The following PCDHGB6 variants were observed in gnomAD, a reference collection of about 807,000 sequenced individuals.
PCDHGB6 encodes the protein protocadherin gamma-B6.
Under a neutral mutation model 59.1 loss-of-function variants are expected in PCDHGB6, and 51 were observed. The ratio of observed to expected loss-of-function variants is 0.86; its 90% CI spans 0.69 to 1.09. The LOEUF (loss-of-function observed/expected upper bound fraction) is 1.09. PCDHGB6 is among the 50% of genes least tolerant of loss of function. The pLI is 0.00. For synonymous variants in PCDHGB6, 466 were observed against 495.1 expected (o/e 0.94, Z 0.78); for missense variants, 1,148 against 1,205.1 (o/e 0.95, Z 0.70).
chr5:141,420,004 G>C (rs768411058), intron 1 of PCDHGB6: 4 of 1,614,084 alleles, frequency 2.5e-6, no homozygotes, highest in Non-Finnish European at 3.4e-6. Flanking sequence ...CTCTACGCCT[G>C]CGACAGTCTT....
intron 1 of PCDHGB6, chr5:141,422,645 T>C: frequency 6.2e-7 from 1 of 1,612,232 alleles, no homozygotes; most frequent in Non-Finnish European, 8.5e-7. Flanking sequence ...GCCTCCATCT[T>C]CTCAGTGACC....
Position 141,432,465 on chromosome 5 carries a change from C to G in PCDHGB6, c.2418+21845C>G. ...GAGATCCTGTACCCCGCCCTCCCCACGGACGGTTCCACTGGCGTGGAGCTG... is the reference window on the plus strand; with the variant it reads ...GAGATCCTGTACCCCGCCCTCCCCAGGGACGGTTCCACTGGCGTGGAGCTG... On this transcript the variant is annotated intron_variant, in intron 1 of 3. Transcript: ENST00000520790. The surrounding 1 kb of genome is among the most constrained non-coding windows in gnomAD (Gnocchi z 6.0). The G allele has an allele frequency of 6.2e-7, 1 of 1,614,222 alleles. No individual in the cohort carries two copies. Among genetic ancestry groups the G allele is most frequent in the Non-Finnish European group, 8.5e-7 (1 of 1,180,050 alleles).
chr5:141,488,548 T>C (rs112676623), intron 1 of PCDHGB6, among the ~76,000 whole-genome samples: 2 of 152,318 alleles, frequency 1.3e-5, no homozygotes, highest in African/African-American at 4.8e-5. Flanking sequence ...CCATGTCAGC[T>C]GACATTGAGA....
At chr5:141,410,849 CTTTTTTTTTTTT>C (rs759346998) in intron 1 of PCDHGB6, 1 of 129,786 alleles carries the variant, frequency 7.7e-6, no homozygotes, top group East Asian at 2.3e-4. Flanking sequence ...TTGTCTTTGT[CTTTTTTTTTTTT>C]TTTTTTTTTT....
intron 1 of PCDHGB6, among the ~76,000 whole-genome samples, chr5:141,454,250 C>T (rs1453631901): frequency 6.6e-6 from 1 of 151,974 alleles, no homozygotes; most frequent in African/African-American, 2.4e-5. Context: ...TGAAGATGTC[C>T]CAGAGAAAGT....
At chr5:141,502,621 A>G (rs918589202) in intron 2 of PCDHGB6, among the ~76,000 whole-genome samples, 3 of 152,162 alleles carry the variant, frequency 2.0e-5, no homozygotes, top group African/African-American at 7.2e-5. Context: ...AAATATAAGT[A>G]ATCTGTGGAT....
intron 1 of PCDHGB6, among the ~76,000 whole-genome samples, chr5:141,435,619 T>A (rs2097772280): frequency 6.6e-6 from 1 of 152,190 alleles, no homozygotes; most frequent in Non-Finnish European, 1.5e-5. Context: ...AAATTCCCCA[T>A]AACTTTTACA....
intron 1 of PCDHGB6, chr5:141,411,407 A>G (rs2154543610): frequency 6.6e-6 from 1 of 151,868 alleles, no homozygotes; most frequent in East Asian, 1.9e-4. Context: ...CCCCATCTCT[A>G]CTAAAACAAC....
chr5:141,464,725 A>G (rs538200804), intron 1 of PCDHGB6, among the ~76,000 whole-genome samples: 27 of 152,178 alleles, frequency 1.8e-4, no homozygotes, highest in African/African-American at 5.1e-4. Flanking sequence ...TCATATGTTT[A>G]AAAGCCAGTT....
At position 141,432,579 on chromosome 5, in the gene PCDHGB6, G is replaced by T; in HGVS notation, c.2418+21959G>T. On this transcript the variant is annotated intron_variant, in intron 1 of 3. Coordinates refer to ENST00000520790, the MANE Select transcript of PCDHGB6 (RefSeq NM_018926.3). This position sits in a 1 kb window ranked among gnomAD's most constrained non-coding sequence, Gnocchi z 6.0. ...GGCCAGAACGCCTGGCTGTCCTACC[G>T]TCTGCTCAAGGCCAGCGAGCCGGGA... is the stretch of plus-strand genomic sequence containing the variant. 1 of 1,613,860 alleles carries T rather than the reference G, an allele frequency of 6.2e-7. No homozygotes were observed. Among genetic ancestry groups the T allele is most frequent in the Non-Finnish European group, 8.5e-7 (1 of 1,179,984 alleles).
chr5:141,423,569 TC>T (rs2096755253), intron 1 of PCDHGB6: 1 of 1,613,362 alleles, frequency 6.2e-7, no homozygotes, highest in Non-Finnish European at 8.5e-7. Context: ...GACACGCTCA[TC>T]AGCCAGGAGA....
chr5:141,477,565 C>T lies in PCDHGB6; in HGVS notation c.2419-17242C>T, dbSNP rs1168703868. 3.1e-6 allele frequency: 5 copies of T among 1,614,146 alleles called. No homozygotes were observed. The highest frequency in any genetic ancestry group is 4.2e-6 in the Non-Finnish European group (5 of 1,180,030). On this transcript the variant is annotated intron_variant, in intron 1 of 3. Transcript: ENST00000520790. The surrounding 1 kb of genome is among the most constrained non-coding windows in gnomAD (Gnocchi z 4.9). ...CAATACTAAACCTAAGTGTCTGGGA[C>T]CCCGACGCCCCGCAGAATGCTCGGC... is the stretch of plus-strand genomic sequence containing the variant.
intron 1 of PCDHGB6, chr5:141,430,886 T>C: frequency 6.2e-7 from 1 of 1,605,190 alleles, no homozygotes; most frequent in Non-Finnish European, 8.5e-7. Context: ...GGAGAAAGGC[T>C]CTAGGGTGGG....
chr5:141,510,221 C>T lies in PCDHGB6; in HGVS notation c.2567-726C>T, dbSNP rs891359580. On this transcript the variant is annotated intron_variant, in intron 3 of 3. Transcript: ENST00000520790. The stretch of plus-strand genomic sequence containing the variant: ...CCAGGAGGCAGAGGTTGCAGTGAGC[C>T]GGGATCGCGCCACTGCACTCCAGGC... Among the ~76,000 whole-genome samples, 12 of 150,616 alleles carry T rather than the reference C, an allele frequency of 8.0e-5. No homozygotes were observed. In the East Asian group the frequency reaches 1.2e-3, roughly 15 times the overall value.
In PCDHGB6 at chr5:141,432,513, G is replaced by T. The variant is rs755227021; in HGVS notation, c.2418+21893G>T. On this transcript the variant is annotated intron_variant, in intron 1 of 3. Coordinates refer to ENST00000520790, the MANE Select transcript of PCDHGB6 (RefSeq NM_018926.3). The surrounding 1 kb of genome is among the most constrained non-coding windows in gnomAD (Gnocchi z 6.0). ...CTGGCTCCCCGCTCCGCAGAGCCCG[G>T]CTACCTGGTGACCAAGGTGGTGGCG... The T allele has an allele frequency of 3.1e-6, 5 of 1,614,102 alleles. No individual in the cohort carries two copies. Among genetic ancestry groups the T allele is most frequent in the African/African-American group, 2.7e-5 (2 of 75,062 alleles).
chr5:141,413,198 C>G, intron 1 of PCDHGB6: 1 of 1,611,416 alleles, frequency 6.2e-7, no homozygotes, highest in Non-Finnish European at 8.5e-7. Context: ...AGGAATCGCT[C>G]AAAGGAATCA....
chr5:141,422,685 C>G lies in PCDHGB6; in HGVS notation c.2418+12065C>G, dbSNP rs754112462. The G allele has an allele frequency of 2.5e-6, 4 of 1,605,144 alleles. No individual in the cohort carries two copies. The South Asian group carries it at 4.5e-5, about 18-fold the overall frequency. On this transcript the variant is annotated intron_variant, in intron 1 of 3. Coordinates refer to ENST00000520790, the MANE Select transcript of PCDHGB6 (RefSeq NM_018926.3). ...TCGACCCGGACAGCAAACAGAATGCCCTGGTCACTTACTCTCTGACGGATG... is the reference window on the plus strand; with the variant it reads ...TCGACCCGGACAGCAAACAGAATGCGCTGGTCACTTACTCTCTGACGGATG...
chr5:141,417,892 C>G lies in PCDHGB6; in HGVS notation c.2418+7272C>G, dbSNP rs550343206. On this transcript the variant is annotated intron_variant, in intron 1 of 3. Coordinates refer to ENST00000520790, the MANE Select transcript of PCDHGB6 (RefSeq NM_018926.3). Reference sequence around the variant, plus strand: ...GGAGCTGCGCGCAGAGGCGCCGGGCCGGCCCGCGGCAGGTACTATTTCCTT... The same window carrying G: ...GGAGCTGCGCGCAGAGGCGCCGGGCGGGCCCGCGGCAGGTACTATTTCCTT... 2.2e-4 allele frequency: 348 copies of G among 1,570,774 alleles called. 2 individuals carry two copies. The South Asian group carries it at 3.7e-3, about 17-fold the overall frequency.
chr5:141,507,754 C>T (rs1488474557), intron 3 of PCDHGB6, among the ~76,000 whole-genome samples: 7 of 152,242 alleles, frequency 4.6e-5, no homozygotes, highest in Admixed American at 2.0e-4. Flanking sequence ...GTCAAGGCCT[C>T]CCACCTTTGG....
Sources: gnomAD v4.1 joint callset for allele counts (sites outside exome capture counted in the v4.1 genomes callset) on GRCh38, gnomAD v4.1.1 for gene constraint, Gnocchi (gnomAD v3.1) non-coding constraint, MANE v1.5 for transcripts, NCBI Gene and HGNC (gene_info 2026-07-23, HGNC 2026-07-21) for gene names.